Variants in COL13A1 observed in about 807,000 individuals in gnomAD.
COL13A1 encodes the protein collagen type XIII alpha 1 chain, also known as collagen alpha-1(XIII) chain.
In COL13A1, 89 loss-of-function variants were observed where a neutral mutation model predicts 130.9. That is an observed-to-expected ratio of 0.68 (90% CI 0.57 to 0.81). COL13A1 has a LOEUF of 0.81. Ranked by LOEUF, COL13A1 falls within the 30% of genes least tolerant of loss-of-function variation. The pLI, the probability that COL13A1 is intolerant of heterozygous loss-of-function variation, is 0.00. For missense variants in COL13A1, 879 were observed against 934.6 expected (o/e 0.94, Z 0.78); for synonymous variants, 402 against 341.6 (o/e 1.18, Z -1.95).
At chr10:69,810,700 G>T (rs1324835763) in intron 1 of COL13A1, among the ~76,000 whole-genome samples, 1 of 152,224 alleles carries the variant, frequency 6.6e-6, no homozygotes, top group East Asian at 1.9e-4. Flanking sequence ...GAAATCAGCA[G>T]GCTTCTCCAA....
intron 7 of COL13A1, among the ~76,000 whole-genome samples, chr10:69,883,100 C>G (rs1037387306): frequency 1.3e-5 from 2 of 152,232 alleles, no homozygotes; most frequent in Non-Finnish European, 2.9e-5. Context: ...TGCCTCCCCT[C>G]TTGGAGTTTG....
At chr10:69,928,860 C>G (rs1200403928) in intron 27 of COL13A1, 77 bp from the exon 28 acceptor site, 5 of 1,064,522 alleles carry the variant, frequency 4.7e-6, no homozygotes, top group East Asian at 2.5e-5. Flanking sequence ...AAGCCAGCCT[C>G]CACATATAGC....
At chr10:69,891,437 G>A (rs2061157084) in intron 10 of COL13A1, among the ~76,000 whole-genome samples, 1 of 152,194 alleles carries the variant, frequency 6.6e-6, no homozygotes, top group Non-Finnish European at 1.5e-5. Flanking sequence ...TGACATGTCT[G>A]CAGAACCGGA....
chr10:69,948,909 GTATTTC>G (rs2068953835), intron 38 of COL13A1, among the ~76,000 whole-genome samples: 1 of 152,190 alleles, frequency 6.6e-6, no homozygotes, highest in Non-Finnish European at 1.5e-5. Flanking sequence ...CAGTGGGAAA[GTATTTC>G]TATTCCCCTT....
chr10:69,953,056 G>A (rs906050673), intron 39 of COL13A1, 88 bp downstream of exon 39: 1 of 986,236 alleles, frequency 1.0e-6, no homozygotes, highest in African/African-American at 1.7e-5. Context: ...AAACTAAGAT[G>A]AGAACCAAAT....
At chr10:69,879,753 T>C (rs2059945619) in intron 6 of COL13A1, among the ~76,000 whole-genome samples, 1 of 152,182 alleles carries the variant, frequency 6.6e-6, no homozygotes. Context: ...CACATGGCAC[T>C]TGTCTAGCTA....
intron 34 of COL13A1, among the ~76,000 whole-genome samples, chr10:69,939,974 C>G (rs1331821186): frequency 6.6e-6 from 1 of 152,182 alleles, no homozygotes; most frequent in African/African-American, 2.4e-5. Context: ...GGCTGAGGCT[C>G]AGTTGGAAGC....
intron 7 of COL13A1, among the ~76,000 whole-genome samples, chr10:69,881,493 A>G (rs897677695): frequency 6.6e-6 from 1 of 152,166 alleles, no homozygotes; most frequent in Non-Finnish European, 1.5e-5. Flanking sequence ...ACGAATGGCT[A>G]ACTTACATCC....
At chr10:69,931,033 TGAAATGGGTGCCATCCTA>T (rs1456574112) in intron 30 of COL13A1, 1 of 354,852 alleles carries the variant, frequency 2.8e-6, no homozygotes. Context: ...TTTCCATCTG[TGAAATGGGTGCCATCCTA>T]GACACCTACC....
intron 1 of COL13A1, 102 bp downstream of exon 1, chr10:69,802,819 G>T: frequency 7.5e-6 from 11 of 1,471,592 alleles, no homozygotes; most frequent in South Asian, 1.3e-5. Context: ...CTCTCTGCGA[G>T]CCCCAGGTTC....
chr10:69,875,680 A>G (rs2059504799), intron 5 of COL13A1, among the ~76,000 whole-genome samples: 3 of 152,254 alleles, frequency 2.0e-5, no homozygotes, highest in Admixed American at 2.0e-4. Context: ...GAGTTAAAAC[A>G]TTCCTGTTTC....
intron 14 of COL13A1, among the ~76,000 whole-genome samples, chr10:69,902,507 T>C (rs575628993): frequency 6.6e-6 from 1 of 152,274 alleles, no homozygotes; most frequent in Admixed American, 6.5e-5. Context: ...CAGCAACTCC[T>C]CTTTGGAAGC....
At chr10:69,907,699 C>CTA (rs1296922868) in intron 17 of COL13A1, among the ~76,000 whole-genome samples, 1 of 152,112 alleles carries the variant, frequency 6.6e-6, no homozygotes, top group Non-Finnish European at 1.5e-5. Flanking sequence ...CTCACAATAA[C>CTA]TAAACCACTC....
chr10:69,878,201 T>C, intron 6 of COL13A1, 136 bp downstream of exon 6: 1 of 640,866 alleles, frequency 1.6e-6, no homozygotes, highest in South Asian at 1.7e-5. Context: ...CCTCACTGCC[T>C]CTCACGGCCC....
At chr10:69,889,367 C>T in intron 9 of COL13A1, 47 bp from the exon 10 acceptor site, 1 of 1,594,106 alleles carries the variant, frequency 6.3e-7, no homozygotes, top group Non-Finnish European at 8.5e-7. Context: ...GGTGGAACTT[C>T]TGGGCTGCGA....
chr10:69,842,504 C>T (rs1851873210), intron 2 of COL13A1, among the ~76,000 whole-genome samples: 1 of 152,128 alleles, frequency 6.6e-6, no homozygotes, highest in Non-Finnish European at 1.5e-5. Context: ...TGCTCCCTAC[C>T]CCAGGTCACT....
At chr10:69,924,264 C>T (rs1365853001) in intron 24 of COL13A1, among the ~76,000 whole-genome samples, 2 of 152,238 alleles carry the variant, frequency 1.3e-5, no homozygotes, top group East Asian at 3.8e-4. Flanking sequence ...CATCAGGAGT[C>T]ACACCAAAGT....
chr10:69,918,636 C>G, intron 19 of COL13A1, among the ~76,000 whole-genome samples: 1 of 152,192 alleles, frequency 6.6e-6, no homozygotes, highest in East Asian at 1.9e-4. Context: ...TCCAAAGCTT[C>G]AGAGAGAGCA....
At chr10:69,934,393 A>G (rs2066554091) in intron 31 of COL13A1, among the ~76,000 whole-genome samples, 1 of 152,170 alleles carries the variant, frequency 6.6e-6, no homozygotes, top group South Asian at 2.1e-4. Context: ...CTCCAAGGAG[A>G]CTGTGATGGA....
Sources: allele counts gnomAD v4.1 joint callset (sites outside exome capture counted in the v4.1 genomes callset), GRCh38; gene constraint gnomAD v4.1.1; transcripts MANE v1.5; gene names NCBI Gene and HGNC (gene_info 2026-07-23, HGNC 2026-07-21).